FDFT1: variants seen among roughly 807,000 people sequenced by gnomAD.
The protein encoded by FDFT1 is farnesyl-diphosphate farnesyltransferase 1.
In FDFT1, 68 loss-of-function variants were observed where a neutral mutation model predicts 46.8. The ratio of observed to expected loss-of-function variants is 1.45; its 90% confidence interval spans 1.19 to 1.78. The LOEUF is 1.78. Among genes scored for constraint, FDFT1 ranks in the 40% most tolerant of loss-of-function variants. The pLI is 0.00. For missense variants in FDFT1, 928 were observed against 524.4 expected (o/e 1.77, Z -7.52); for synonymous variants, 351 against 185.1 (o/e 1.90, Z -7.28).
intron 3 of FDFT1, among the ~76,000 whole-genome samples, chr8:11,813,426 C>T (rs1175939456): frequency 3.3e-5 from 5 of 152,102 alleles, no homozygotes; most frequent in Admixed American, 1.3e-4. Context: ...TCTATAACAT[C>T]GTTTAACAGG....
chr8:11,818,149 G>A (rs1299657079), intron 3 of FDFT1, among the ~76,000 whole-genome samples: 1 of 152,186 alleles, frequency 6.6e-6, no homozygotes, highest in Non-Finnish European at 1.5e-5. Flanking sequence ...AGGTTGTTCA[G>A]TTTCCATGTA....
chr8:11,832,861 C>G (rs1202276834), intron 7 of FDFT1, among the ~76,000 whole-genome samples: 1 of 152,180 alleles, frequency 6.6e-6, no homozygotes, highest in African/African-American at 2.4e-5. Context: ...CCTGAGCTCC[C>G]TCCCCAGAGG....
chr8:11,818,102 T>A (rs990203227), intron 3 of FDFT1, among the ~76,000 whole-genome samples: 1 of 152,182 alleles, frequency 6.6e-6, no homozygotes, highest in Non-Finnish European at 1.5e-5. Context: ...TTATTTCTGC[T>A]TTCATTTCGT....
At chr8:11,830,448 T>TACGG in intron 6 of FDFT1, 28 bp downstream of exon 6, 1 of 1,554,192 alleles carries the variant, frequency 6.4e-7, no homozygotes, top group Non-Finnish European at 8.9e-7. Context: ...TCTGGGTGGA[T>TACGG]ACGGGGCTAA....
rs1187689445 is a variant in FDFT1, at chr8:11,830,298, G to C, written c.757G>C (p.Asp253His). 1 of 1,613,998 alleles carries C rather than the reference G, an allele frequency of 6.2e-7. No homozygotes were observed. The highest frequency in any genetic ancestry group is 8.5e-7 in the Non-Finnish European group (1 of 1,179,878). ...LGDFAKPENIDLAVQCLNELI... is the reference protein window; with the variant it reads ...LGDFAKPENIHLAVQCLNELI... ...GGATTTTGCTAAGCCGGAGAATATT[G>C]ACTTGGCCGTGCAGTGCCTGAATGA... The change falls in exon 6 of 8, where the codon GAC becomes CAC. Residue 253 changes from aspartate to histidine, a missense_variant. Coordinates refer to ENST00000220584, the MANE Select transcript of FDFT1 (RefSeq NM_004462.5).
In FDFT1 at chr8:11,808,778, T is replaced by G; in HGVS notation, c.100-16T>G. On this transcript the variant is annotated splice_polypyrimidine_tract_variant and intron_variant, in intron 1 of 7. Transcript: ENST00000220584. ...CCTCGACGTCTCCCACCGCCGTGTGTGTTGTCTGCCCGCAGGACTCGCTCA... is the reference window on the plus strand; with the variant it reads ...CCTCGACGTCTCCCACCGCCGTGTGGGTTGTCTGCCCGCAGGACTCGCTCA... 6.2e-7 allele frequency: 1 copy of G among 1,610,500 alleles called. No individual in the cohort carries two copies. The highest frequency in any genetic ancestry group is 8.5e-7 in the Non-Finnish European group (1 of 1,178,600).
chr8:11,805,229 A>C (rs1003350531), intron 1 of FDFT1, among the ~76,000 whole-genome samples: 1 of 152,200 alleles, frequency 6.6e-6, no homozygotes, highest in Non-Finnish European at 1.5e-5. Flanking sequence ...TTCTCTCTGC[A>C]AACTAGGGAA....
intron 5 of FDFT1, among the ~76,000 whole-genome samples, chr8:11,827,894 ACAAAAC>A (rs1443725483): frequency 3.6e-4 from 54 of 148,500 alleles, no homozygotes; most frequent in African/African-American, 1.3e-3. Flanking sequence ...ACAAAACAAA[ACAAAAC>A]AAAAAAAACA....
chr8:11,814,685 G>C (rs1199294560), intron 3 of FDFT1, among the ~76,000 whole-genome samples: 3 of 152,130 alleles, frequency 2.0e-5, no homozygotes, highest in Non-Finnish European at 4.4e-5. Flanking sequence ...TTAGGGCTTG[G>C]ACTATGGAAA....
At chr8:11,823,042 C>T (rs1187513524) in intron 4 of FDFT1, among the ~76,000 whole-genome samples, 1 of 152,144 alleles carries the variant, frequency 6.6e-6, no homozygotes, top group Non-Finnish European at 1.5e-5. Flanking sequence ...GCAGCCTCAA[C>T]CTCCTGGGCT....
intron 5 of FDFT1, among the ~76,000 whole-genome samples, chr8:11,829,045 C>G (rs543949817): frequency 1.3e-5 from 2 of 152,184 alleles, no homozygotes; most frequent in African/African-American, 4.8e-5. Flanking sequence ...CTGGTTCATA[C>G]AGCAGCTCGA....
intron 5 of FDFT1, 83 bp from the exon 6 acceptor site, chr8:11,830,161 A>G: frequency 8.8e-7 from 1 of 1,142,408 alleles, no homozygotes; most frequent in Non-Finnish European, 1.3e-6. Flanking sequence ...CATAGTTCTT[A>G]TGCACAAAGA....
At chr8:11,831,808 C>A in intron 7 of FDFT1, 138 bp downstream of exon 7, 1 of 746,994 alleles carries the variant, frequency 1.3e-6, no homozygotes, top group South Asian at 1.7e-5. Flanking sequence ...AATTGATATC[C>A]TTTATAAGGA....
chr8:11,800,057 C>G (rs1186360258), upstream of FDFT1, among the ~76,000 whole-genome samples: 2 of 150,004 alleles, frequency 1.3e-5, no homozygotes, highest in African/African-American at 2.5e-5. Flanking sequence ...GTCAGGAGTT[C>G]AAGACCAGTC....
intron 7 of FDFT1, among the ~76,000 whole-genome samples, chr8:11,833,460 G>C (rs887291773): frequency 3.3e-5 from 5 of 152,210 alleles, no homozygotes; most frequent in African/African-American, 7.2e-5. Flanking sequence ...GTAAGTAGTT[G>C]AGAGTGTTTT....
chr8:11,799,924 G>A (rs1202243271), upstream of FDFT1, among the ~76,000 whole-genome samples: 2 of 130,844 alleles, frequency 1.5e-5, no homozygotes, highest in African/African-American at 3.0e-5. Context: ...CCAGCCTCAC[G>A]ACAGAGTGAG....
rs574283977 is a variant in FDFT1 at position 11,827,434 on chromosome 8, C to G, written c.702+1219C>G. ...TCGGGAGGCTAAGGCACAAGGATCC[C>G]TTGAGCGCAGGAGCTCAAGGTTGGA... On this transcript the variant is annotated intron_variant, in intron 5 of 7. Transcript: ENST00000220584. 2.6e-5 allele frequency among the ~76,000 whole-genome samples: 4 copies of G among 151,700 alleles called. No individual in the cohort carries two copies. The East Asian group carries it at 5.8e-4, about 22-fold the overall frequency.
intron 7 of FDFT1, among the ~76,000 whole-genome samples, chr8:11,833,337 G>A (rs1811117760): frequency 6.6e-6 from 1 of 152,170 alleles, no homozygotes; most frequent in South Asian, 2.1e-4. Context: ...TCTGACATCA[G>A]AATCCATGAT....
chr8:11,812,522 C>T (rs1300732952), intron 3 of FDFT1, among the ~76,000 whole-genome samples: 1 of 152,224 alleles, frequency 6.6e-6, no homozygotes, highest in Non-Finnish European at 1.5e-5. Flanking sequence ...TGCCCTGCTG[C>T]ATTCTGGAAT....
Sources: gnomAD v4.1 joint callset for allele counts (sites outside exome capture counted in the v4.1 genomes callset) on GRCh38, gnomAD v4.1.1 for gene constraint, MANE v1.5 for transcripts, NCBI Gene and HGNC (gene_info 2026-07-23, HGNC 2026-07-21) for gene names.